The following UBR1 variants were observed in gnomAD, a reference collection of about 807,000 sequenced individuals.
UBR1 encodes ubiquitin protein ligase E3 component n-recognin 1.
In UBR1, 102 loss-of-function variants were observed where a neutral mutation model predicts 242.1. That is an observed-to-expected ratio of 0.42 (90% CI 0.36 to 0.50). The LOEUF (loss-of-function observed/expected upper bound fraction) is 0.50, where lower values mean the gene tolerates loss of function less well. Ranked by LOEUF, UBR1 falls within the 20% of genes least tolerant of loss-of-function variation. The pLI is 0.01. For synonymous variants in UBR1, 675 were observed against 684.8 expected (o/e 0.99, Z 0.22); for missense variants, 1,772 against 2,101.8 (o/e 0.84, Z 3.07).
intron 33 of UBR1, among the ~76,000 whole-genome samples, chr15:42,992,874 G>A (rs1482662072): frequency 6.6e-6 from 1 of 152,136 alleles, no homozygotes; most frequent in Admixed American, 6.6e-5. Context: ...GGCAAAGACA[G>A]AAAAAAATGA....
chr15:43,091,746 A>C (rs905086670), intron 1 of UBR1, among the ~76,000 whole-genome samples: 4 of 151,790 alleles, frequency 2.6e-5, no homozygotes, highest in Non-Finnish European at 5.9e-5. Flanking sequence ...AGCCTAGGCA[A>C]CATGGTGAAA....
chr15:43,063,316 G>A (rs963998898), intron 6 of UBR1, among the ~76,000 whole-genome samples: 5 of 152,188 alleles, frequency 3.3e-5, no homozygotes, highest in African/African-American at 9.7e-5. Flanking sequence ...TATGAAAACC[G>A]ACAAAGCACA....
intron 29 of UBR1, among the ~76,000 whole-genome samples, chr15:43,007,923 A>C (rs1303120801): frequency 6.6e-6 from 1 of 152,232 alleles, no homozygotes; most frequent in Non-Finnish European, 1.5e-5. Context: ...CAAACTAAAA[A>C]ACTTACACCT....
rs554236762 is a variant in UBR1 at position 43,009,368 on chromosome 15, A to G, written c.3210-2084T>C. ...GTGCCTAGAGCTCCCTGCCCTGCAC[A>G]GCAGCTGGCGTGCCTGGCTGTGTGC... is the stretch of plus-strand genomic sequence containing the variant. On this transcript the variant is annotated intron_variant, in intron 29 of 46. Coordinates refer to ENST00000290650, the MANE Select transcript of UBR1 (RefSeq NM_174916.3). 2.6e-5 allele frequency among the ~76,000 whole-genome samples: 4 copies of G among 152,318 alleles called. No homozygotes were observed. The South Asian group carries it at 8.3e-4, about 32-fold the overall frequency.
intron 35 of UBR1, among the ~76,000 whole-genome samples, chr15:42,986,897 C>G (rs1452836288): frequency 6.6e-6 from 1 of 152,240 alleles, no homozygotes; most frequent in Non-Finnish European, 1.5e-5. Flanking sequence ...CCACCCGGAG[C>G]TTCCCTGGGC....
intron 2 of UBR1, among the ~76,000 whole-genome samples, chr15:43,085,215 C>T (rs2034020608): frequency 6.6e-6 from 1 of 152,200 alleles, no homozygotes; most frequent in Non-Finnish European, 1.5e-5. Context: ...TGACATGCGA[C>T]TACAGGCATG....
intron 1 of UBR1, among the ~76,000 whole-genome samples, chr15:43,094,540 A>G (rs1315331026): frequency 1.3e-5 from 2 of 150,906 alleles, no homozygotes; most frequent in African/African-American, 4.9e-5. Context: ...TTTTTTATAT[A>G]TATTTTAAAT....
intron 16 of UBR1, 52 bp from the exon 17 acceptor site, chr15:43,037,935 CTCCAAG>C: frequency 6.6e-7 from 1 of 1,518,940 alleles, no homozygotes; most frequent in Non-Finnish European, 9.1e-7. Flanking sequence ...TTAGATGTGT[CTCCAAG>C]TTATGCCACT....
In UBR1 at chr15:43,056,419, T is replaced by C; in HGVS notation, c.1206A>G (p.Glu402=). Residue 402 remains glutamate, a synonymous_variant, in exon 11 of 47, where the codon GAA becomes GAG. Transcript: ENST00000290650. ...FVKYYKQLQK[E]YISDDHDRSI... Reference sequence around the variant, plus strand: ...TTCTGTCATGATCATCACTGATATATTCTTTCTGCAGTTGTTTATAATACT... The same window carrying C: ...TTCTGTCATGATCATCACTGATATACTCTTTCTGCAGTTGTTTATAATACT... 1 of 1,610,994 alleles carries C rather than the reference T, an allele frequency of 6.2e-7. No individual in the cohort carries two copies. The highest frequency in any genetic ancestry group is 8.5e-7 in the Non-Finnish European group (1 of 1,177,276).
At chr15:43,005,520 G>A (rs1391078637) in intron 30 of UBR1, among the ~76,000 whole-genome samples, 2 of 151,734 alleles carry the variant, frequency 1.3e-5, no homozygotes, top group South Asian at 2.1e-4. Flanking sequence ...GTGGGGGGGC[G>A]CCTCTGTCCA....
At chr15:43,000,767 T>C (rs1434250805) in intron 32 of UBR1, among the ~76,000 whole-genome samples, 3 of 152,234 alleles carry the variant, frequency 2.0e-5, no homozygotes, top group Admixed American at 6.5e-5. Context: ...ACCACATACG[T>C]TGAAGAAGAC....
chr15:43,022,611 A>C (rs902636117), intron 26 of UBR1, 91 bp downstream of exon 26: 79 of 912,468 alleles, frequency 8.7e-5, no homozygotes, highest in Non-Finnish European at 1.3e-4. Context: ...AAAACTCTGT[A>C]AGATATAAAC....
intron 29 of UBR1, among the ~76,000 whole-genome samples, chr15:43,014,993 G>C (rs1044719324): frequency 6.7e-6 from 1 of 149,478 alleles, no homozygotes; most frequent in Non-Finnish European, 1.5e-5. Context: ...GCCCCCGCCC[G>C]GCCAGACGCC....
intron 12 of UBR1, among the ~76,000 whole-genome samples, chr15:43,049,821 T>G (rs34018858): frequency 0.015 from 2,248 of 152,296 alleles, 40 homozygotes; most frequent in Non-Finnish European, 0.021. Context: ...ACGGCATTCA[T>G]GTTTTGTTGC....
intron 21 of UBR1, 130 bp downstream of exon 21, chr15:43,029,814 A>T: frequency 1.0e-6 from 1 of 992,604 alleles, no homozygotes; most frequent in Non-Finnish European, 1.5e-6. Flanking sequence ...GATGAAGGTG[A>T]TTGGTTTACA....
intron 39 of UBR1, among the ~76,000 whole-genome samples, chr15:42,971,662 C>G (rs916573402): frequency 2.0e-5 from 3 of 152,074 alleles, no homozygotes; most frequent in Non-Finnish European, 4.4e-5. Flanking sequence ...TATTCCTATA[C>G]TTTTAAAAAA....
Position 42,976,852 on chromosome 15 carries a change from C to T in UBR1, c.4234G>A (p.Ala1412Thr), listed in dbSNP as rs1321319018. 6.2e-7 allele frequency: 1 copy of T among 1,613,752 alleles called. No homozygotes were observed. Among genetic ancestry groups the T allele is most frequent in the South Asian group, 1.1e-5 (1 of 91,056 alleles). The change falls in exon 39 of 47, where the codon GCA becomes ACA. Residue 1412 changes from alanine to threonine, a missense_variant. Coordinates refer to ENST00000290650, the MANE Select transcript of UBR1 (RefSeq NM_174916.3). ...LFHVLVGAVL[A>T]FPSLYWDDPV... ...TCATCCCAATACAAGGATGGGAATG[C>T]TAACACAGCACCCACCTATGAGAGA...
chr15:42,983,986 C>T lies in UBR1; in HGVS notation c.4061G>A (p.Gly1354Asp). Residue 1354 changes from glycine to aspartate, a missense_variant, in exon 37 of 47, where the codon GGT (glycine) becomes GAT (aspartate). By Grantham distance (94) the Gly-to-Asp change is moderately conservative. Transcript: ENST00000290650. ...TGCAAACTGCATTAATGCTTTCAGA[C>T]CATTATGCTAGATTGTAAGAGAGAA... ...FGALQNRQHN[G>D]LKALMQFAVA... is the part of the protein sequence containing the mutation. 6.2e-7 allele frequency: 1 copy of T among 1,611,930 alleles called. No homozygotes were observed.
chr15:42,984,021 AAAGATGAGGG>A, intron 36 of UBR1, 28 bp from the exon 37 acceptor site: 1 of 1,582,588 alleles, frequency 6.3e-7, no homozygotes, highest in Non-Finnish European at 8.7e-7. Flanking sequence ...AGGAAGATAA[AAAGATGAGGG>A]AAGATGAGAG....
Sources: gnomAD v4.1 joint callset for allele counts (sites outside exome capture counted in the v4.1 genomes callset) on GRCh38, gnomAD v4.1.1 for gene constraint, MANE v1.5 for transcripts, NCBI Gene and HGNC (gene_info 2026-07-23, HGNC 2026-07-21) for gene names.